Variants in CLTCL1 observed in about 807,000 individuals in gnomAD.
CLTCL1 encodes the protein clathrin heavy chain like 1.
CLTCL1 carries 159 observed loss-of-function variants against 190.0 expected under a neutral mutation model. The ratio of observed to expected loss-of-function variants is 0.84; its 90% CI spans 0.74 to 0.95. The LOEUF is 0.95. Among genes scored for constraint, CLTCL1 ranks in the 40% least tolerant of loss-of-function variants. The pLI is 0.00. For missense variants in CLTCL1, 1,878 were observed against 2,033.4 expected (o/e 0.92, Z 1.47); for synonymous variants, 752 against 769.6 (o/e 0.98, Z 0.38).
chr22:19,227,735 G>A (rs925421708), intron 11 of CLTCL1, among the ~76,000 whole-genome samples: 16 of 152,148 alleles, frequency 1.1e-4, no homozygotes, highest in African/African-American at 3.6e-4. Context: ...TTACAGGTGT[G>A]AGCCACCGCA....
chr22:19,208,970 C>T lies in CLTCL1; in HGVS notation c.3394G>A (p.Asp1132Asn), dbSNP rs1555944773. The T allele has an allele frequency of 1.2e-6, 2 of 1,611,618 alleles. No homozygotes were observed. Among genetic ancestry groups the T allele is most frequent in the Admixed American group, 1.7e-5 (1 of 59,712 alleles). Residue 1132 changes from aspartate to asparagine, a missense_variant, in exon 21 of 33, where the codon GAC becomes AAC. Transcript: ENST00000427926. ...ACTTCCAGGTAAGAGGAAGGGTCGT[C>T]CCCTCTGATATAGGAGTTGATGGCT... ...KEAINSYIRG[D>N]DPSSYLEVVQ...
chr22:19,279,929 T>C (rs1362875712), intron 1 of CLTCL1, among the ~76,000 whole-genome samples: 9 of 152,194 alleles, frequency 5.9e-5, no homozygotes, highest in African/African-American at 2.2e-4. Flanking sequence ...TGCACCTCAG[T>C]GGTGCTGGCC....
chr22:19,212,600 A>AAGG (rs1779665472), intron 19 of CLTCL1, among the ~76,000 whole-genome samples: 1 of 148,832 alleles, frequency 6.7e-6, no homozygotes, highest in African/African-American at 2.5e-5. Context: ...AGAAAGAAAG[A>AAGG]AAGGAAGGAA....
intron 3 of CLTCL1, among the ~76,000 whole-genome samples, 196 bp from the exon 4 acceptor site, chr22:19,243,132 AAAAT>A (rs1329952633): frequency 6.6e-6 from 1 of 152,188 alleles, no homozygotes; most frequent in Non-Finnish European, 1.5e-5. Context: ...ACTATGGAAA[AAAAT>A]AAGACCACAA....
chr22:19,230,048 T>C, intron 10 of CLTCL1, 73 bp from the exon 11 acceptor site: 1 of 1,362,854 alleles, frequency 7.3e-7, no homozygotes, highest in East Asian at 2.7e-5. Flanking sequence ...TTGAAATAGT[T>C]CCTGAAATAT....
chr22:19,222,108 G>A lies in CLTCL1; in HGVS notation c.2419-15C>T. ...CTAGGGTTGACCTAGGGTAGTCAAG[G>A]TCAAGTAACTTCAGTGTTGCAAACA... On this transcript the variant is annotated splice_polypyrimidine_tract_variant and intron_variant, in intron 15 of 32. Coordinates refer to ENST00000427926, the MANE Select transcript of CLTCL1 (RefSeq NM_007098.4). 1 of 1,612,680 alleles carries A rather than the reference G, an allele frequency of 6.2e-7. No homozygotes were observed. The highest frequency in any genetic ancestry group is 8.5e-7 in the Non-Finnish European group (1 of 1,179,336).
rs782801230 is a variant in CLTCL1 at position 19,187,525 on chromosome 22, G to A, written c.4605+33C>T. On this transcript the variant is annotated intron_variant, in intron 29 of 32. Transcript: ENST00000427926. ...GCCATCAGGAAACACACCAAGGCAG[G>A]AAGGTGGGAGGAAACGGGCCCAGGC... 24 of 1,592,996 alleles carry A rather than the reference G, an allele frequency of 1.5e-5. No homozygotes were observed. The South Asian group carries it at 2.3e-4, about 15-fold the overall frequency.
intron 19 of CLTCL1, among the ~76,000 whole-genome samples, chr22:19,212,046 C>G (rs1213049074): frequency 6.6e-6 from 1 of 151,916 alleles, no homozygotes; most frequent in Non-Finnish European, 1.5e-5. Flanking sequence ...ATGCCAAAAA[C>G]TATAAACTGC....
intron 20 of CLTCL1, 185 bp from the exon 21 acceptor site, chr22:19,209,299 G>A: frequency 3.9e-6 from 2 of 511,856 alleles, no homozygotes; most frequent in South Asian, 3.5e-5. Context: ...GCTATTATAT[G>A]AGAAGGGGGA....
At chr22:19,279,357 G>T (rs541398324) in intron 1 of CLTCL1, among the ~76,000 whole-genome samples, 1 of 151,870 alleles carries the variant, frequency 6.6e-6, no homozygotes, top group East Asian at 1.9e-4. Flanking sequence ...GGCTGGTCTC[G>T]AACTCCTGAC....
At chr22:19,263,390 C>G (rs1171278010) in intron 2 of CLTCL1, among the ~76,000 whole-genome samples, 3 of 151,672 alleles carry the variant, frequency 2.0e-5, no homozygotes, top group Non-Finnish European at 4.4e-5. Flanking sequence ...TGCCACCATG[C>G]CTGGCCATAA....
chr22:19,259,684 C>T (rs2086881407), intron 2 of CLTCL1, among the ~76,000 whole-genome samples: 1 of 152,160 alleles, frequency 6.6e-6, no homozygotes, highest in African/African-American at 2.4e-5. Flanking sequence ...CACTGACTGG[C>T]CATGCCCTAG....
intron 6 of CLTCL1, 76 bp from the exon 7 acceptor site, chr22:19,234,782 A>T: frequency 1.6e-6 from 2 of 1,274,184 alleles, no homozygotes; most frequent in South Asian, 2.6e-5. Flanking sequence ...TTCCCTTCCG[A>T]TGCTGGAGTG....
rs915053069 is a variant in CLTCL1 at position 19,220,022 on chromosome 22, C to A, written c.2797-15G>T. The A allele has an allele frequency of 2.5e-6, 4 of 1,613,752 alleles. No individual in the cohort carries two copies. Among genetic ancestry groups the A allele is most frequent in the African/African-American group, 1.3e-5 (1 of 74,914 alleles). The stretch of plus-strand genomic sequence containing the variant: ...TCATTGCACACCTGAAATGAGCACA[C>A]TCATGTGTGTGACACAGCAGCCAAC... On this transcript the variant is annotated splice_polypyrimidine_tract_variant and intron_variant, in intron 17 of 32. Coordinates refer to ENST00000427926, the MANE Select transcript of CLTCL1 (RefSeq NM_007098.4).
chr22:19,200,306 T>A (rs2084840840), intron 23 of CLTCL1, among the ~76,000 whole-genome samples: 1 of 152,196 alleles, frequency 6.6e-6, no homozygotes, highest in African/African-American at 2.4e-5. Context: ...AGTGCAGAAT[T>A]CCCCTGTACA....
intron 7 of CLTCL1, 74 bp downstream of exon 7, chr22:19,234,434 CT>C (rs1393974932): frequency 7.6e-7 from 1 of 1,309,086 alleles, no homozygotes; most frequent in African/African-American, 1.5e-5. Flanking sequence ...TAGTGAAATG[CT>C]TTTATGACTT....
In CLTCL1 at chr22:19,196,610, A is replaced by G; in HGVS notation, c.3920T>C (p.Leu1307Pro). Residue 1307 changes from leucine (L) to proline (P), a missense_variant, in exon 25 of 33, where the codon CTG becomes CCG. Leu to Pro is a moderately conservative substitution (Grantham distance 98). Transcript: ENST00000427926. Reference protein sequence around the residue: ...EELILLLEAALGLERAHMGMF... With the variant: ...EELILLLEAAPGLERAHMGMF... ...GCCCATGTGGGCCCGCTCCAGGCCC[A>G]GGGCCGCTTCCAACAGCAAGATCAG... 2 of 1,613,690 alleles carry G rather than the reference A, an allele frequency of 1.2e-6. No individual in the cohort carries two copies. The highest frequency in any genetic ancestry group is 8.5e-7 in the Non-Finnish European group (1 of 1,179,772).
chr22:19,199,582 G>T (rs1408789386), intron 24 of CLTCL1, among the ~76,000 whole-genome samples, 152 bp downstream of exon 24: 1 of 152,228 alleles, frequency 6.6e-6, no homozygotes, highest in Non-Finnish European at 1.5e-5. Flanking sequence ...ATAAATGACT[G>T]TCTAACACAT....
intron 2 of CLTCL1, chr22:19,257,652 TC>T (rs1209319855): frequency 2.2e-6 from 1 of 464,448 alleles, no homozygotes; most frequent in Non-Finnish European, 3.9e-6. Flanking sequence ...GGATTTGGGC[TC>T]CCAGATCTCT....
Sources: allele counts gnomAD v4.1 joint callset (sites outside exome capture counted in the v4.1 genomes callset), GRCh38; gene constraint gnomAD v4.1.1; transcripts MANE v1.5; gene names NCBI Gene and HGNC (gene_info 2026-07-23, HGNC 2026-07-21).